EGFLAM: variants seen among roughly 807,000 people sequenced by gnomAD.
EGFLAM encodes pikachurin.
Under a neutral mutation model 113.1 loss-of-function variants are expected in EGFLAM, and 79 were observed. The ratio of observed to expected loss-of-function variants is 0.70; its 90% CI spans 0.58 to 0.84. The LOEUF is 0.84. EGFLAM is among the 40% of genes least tolerant of loss of function. The pLI is 0.00. For missense variants in EGFLAM, 1,265 were observed against 1,291.6 expected (o/e 0.98, Z 0.32); for synonymous variants, 504 against 487.6 (o/e 1.03, Z -0.44).
At chr5:38,461,821 C>A (rs1485619449) in intron 20 of EGFLAM, among the ~76,000 whole-genome samples, 1 of 152,134 alleles carries the variant, frequency 6.6e-6, no homozygotes, top group Non-Finnish European at 1.5e-5. Flanking sequence ...TGAACACCTC[C>A]CTCTTCCTGT....
intron 1 of EGFLAM, among the ~76,000 whole-genome samples, chr5:38,263,961 T>C (rs1757567737): frequency 6.6e-6 from 1 of 152,182 alleles, no homozygotes; most frequent in Non-Finnish European, 1.5e-5. Context: ...GGCTGTGCCA[T>C]TAAGACCTCC....
At chr5:38,310,733 G>A (rs1261743065) in intron 1 of EGFLAM, among the ~76,000 whole-genome samples, 7 of 152,128 alleles carry the variant, frequency 4.6e-5, no homozygotes, top group African/African-American at 1.7e-4. Flanking sequence ...ATAACACAAG[G>A]TGGCAGATGT....
intron 19 of EGFLAM, among the ~76,000 whole-genome samples, chr5:38,456,261 A>G (rs1743082657): frequency 6.6e-6 from 1 of 152,158 alleles, no homozygotes; most frequent in South Asian, 2.1e-4. Flanking sequence ...TGAGAATATG[A>G]AGCAAGTTGC....
intron 19 of EGFLAM, 151 bp downstream of exon 19, chr5:38,451,609 T>C: frequency 1.7e-6 from 2 of 1,164,196 alleles, no homozygotes; most frequent in Non-Finnish European, 2.4e-6. Flanking sequence ...GCTCCTGGTC[T>C]TTCTTTCCAA....
chr5:38,298,881 T>C (rs1218052106), intron 1 of EGFLAM, among the ~76,000 whole-genome samples: 1 of 152,032 alleles, frequency 6.6e-6, no homozygotes, highest in Non-Finnish European at 1.5e-5. Flanking sequence ...TTGTATTCTT[T>C]ATAGAGACAG....
chr5:38,390,356 T>C (rs952877934), intron 6 of EGFLAM, among the ~76,000 whole-genome samples: 7 of 152,224 alleles, frequency 4.6e-5, no homozygotes, highest in African/African-American at 1.7e-4. Context: ...TTCTAGTGGA[T>C]TCAGTGTTAG....
At chr5:38,347,052 G>A (rs1454056026) in intron 3 of EGFLAM, among the ~76,000 whole-genome samples, 1 of 152,148 alleles carries the variant, frequency 6.6e-6, no homozygotes, top group Non-Finnish European at 1.5e-5. Context: ...ATGGGATGAG[G>A]GAACAGGTCT....
At chr5:38,343,392 G>C (rs1272380469) in intron 3 of EGFLAM, among the ~76,000 whole-genome samples, 1 of 128,326 alleles carries the variant, frequency 7.8e-6, no homozygotes, top group East Asian at 2.2e-4. Context: ...GGCAACAAGA[G>C]TGAAACTCCA....
At chr5:38,397,153 G>C (rs1034726847) in intron 6 of EGFLAM, among the ~76,000 whole-genome samples, 1 of 152,194 alleles carries the variant, frequency 6.6e-6, no homozygotes, top group Non-Finnish European at 1.5e-5. Flanking sequence ...TTCATGAAAC[G>C]TGCTGAGCAT....
At chr5:38,333,016 T>C (rs2111931173) in intron 1 of EGFLAM, among the ~76,000 whole-genome samples, 1 of 152,364 alleles carries the variant, frequency 6.6e-6, no homozygotes, top group East Asian at 1.9e-4. Flanking sequence ...TAAGTTCTTA[T>C]TATTCAGCTC....
At chr5:38,417,355 A>AAC (rs751178611) in intron 11 of EGFLAM, among the ~76,000 whole-genome samples, 7,561 of 145,098 alleles carry the variant, frequency 0.052, 330 homozygotes, top group East Asian at 0.21. Context: ...CTCAAAAAAA[A>AAC]AAAAAAAAAA....
chr5:38,326,221 A>T (rs971426197), intron 1 of EGFLAM, among the ~76,000 whole-genome samples: 1 of 152,128 alleles, frequency 6.6e-6, no homozygotes, highest in Admixed American at 6.6e-5. Context: ...CACTGCTATG[A>T]TGGGGGCCCA....
At chr5:38,430,511 T>A (rs1742154586) in intron 14 of EGFLAM, among the ~76,000 whole-genome samples, 1 of 152,240 alleles carries the variant, frequency 6.6e-6, no homozygotes, top group African/African-American at 2.4e-5. Flanking sequence ...TTTTACTGAA[T>A]GGATTGGTGT....
At chr5:38,358,971 A>C (rs916878402) in intron 5 of EGFLAM, among the ~76,000 whole-genome samples, 1 of 152,180 alleles carries the variant, frequency 6.6e-6, no homozygotes, top group African/African-American at 2.4e-5. Context: ...TGACACTAAA[A>C]ATTTCTTTGG....
chr5:38,410,995 A>G (rs1579890640), intron 10 of EGFLAM, among the ~76,000 whole-genome samples: 1 of 152,188 alleles, frequency 6.6e-6, no homozygotes, highest in Non-Finnish European at 1.5e-5. Flanking sequence ...AACAAGAAGG[A>G]GGTCCTTAGT....
intron 6 of EGFLAM, chr5:38,401,870 G>T (rs553351085): frequency 6.6e-6 from 1 of 152,358 alleles, no homozygotes; most frequent in South Asian, 2.1e-4. Flanking sequence ...CATTTATGCT[G>T]ATTGGAGGCA....
At chr5:38,269,237 T>C (rs1258883012) in intron 1 of EGFLAM, among the ~76,000 whole-genome samples, 1 of 152,094 alleles carries the variant, frequency 6.6e-6, no homozygotes. Context: ...GTGGATTAAA[T>C]AGAGTGAGTT....
intron 17 of EGFLAM, among the ~76,000 whole-genome samples, chr5:38,445,935 T>A (rs927425965): frequency 6.6e-6 from 1 of 152,080 alleles, no homozygotes; most frequent in Non-Finnish European, 1.5e-5. Context: ...AGAGCCGATG[T>A]GTGGCAGGCA....
chr5:38,317,231 A>G (rs1738622319), intron 1 of EGFLAM, among the ~76,000 whole-genome samples: 1 of 152,166 alleles, frequency 6.6e-6, no homozygotes, highest in Admixed American at 6.5e-5. Context: ...AACTTATATA[A>G]TGTTGCATGC....
Sources: gnomAD v4.1 joint callset for allele counts (sites outside exome capture counted in the v4.1 genomes callset) on GRCh38, gnomAD v4.1.1 for gene constraint, MANE v1.5 for transcripts, NCBI Gene and HGNC (gene_info 2026-07-23, HGNC 2026-07-21) for gene names.